The following FRYL variants were observed in gnomAD, a reference collection of about 807,000 sequenced individuals.
The protein encoded by FRYL is protein furry homolog-like.
FRYL carries 150 observed loss-of-function variants against 351.2 expected under a neutral mutation model. The ratio of observed to expected loss-of-function variants is 0.43; its 90% CI spans 0.37 to 0.49. FRYL has a LOEUF of 0.49. Ranked by LOEUF, FRYL falls within the 20% of genes least tolerant of loss-of-function variation. The pLI is 0.00. For missense variants in FRYL, 3,036 were observed against 3,619.3 expected (o/e 0.84, Z 4.13); for synonymous variants, 1,153 against 1,257.1 (o/e 0.92, Z 1.75).
At chr4:48,661,684 T>C (rs1760752088) in intron 3 of FRYL, among the ~76,000 whole-genome samples, 1 of 152,226 alleles carries the variant, frequency 6.6e-6, no homozygotes, top group African/African-American at 2.4e-5. Flanking sequence ...CACTCAGCGA[T>C]GTCACAAATG....
At chr4:48,772,815 A>G (rs1168557112) in intron 1 of FRYL, among the ~76,000 whole-genome samples, 1 of 152,188 alleles carries the variant, frequency 6.6e-6, no homozygotes, top group African/African-American at 2.4e-5. Context: ...GCACTGCAGT[A>G]AGTAAACAAA....
intron 1 of FRYL, among the ~76,000 whole-genome samples, chr4:48,711,359 TCA>T (rs1767991662): frequency 4.3e-5 from 5 of 115,252 alleles, no homozygotes; most frequent in Admixed American, 2.6e-4. Context: ...TCACTCCCAC[TCA>T]AATACTGCGC....
At chr4:48,644,114 G>A (rs1167977929) in intron 3 of FRYL, among the ~76,000 whole-genome samples, 1 of 152,032 alleles carries the variant, frequency 6.6e-6, no homozygotes, top group Admixed American at 6.6e-5. Context: ...GGCTAATTTT[G>A]TATTTTTAGT....
At chr4:48,546,954 C>T (rs1301826057) in intron 41 of FRYL, among the ~76,000 whole-genome samples, 2 of 148,914 alleles carry the variant, frequency 1.3e-5, no homozygotes, top group South Asian at 2.2e-4. Context: ...ATTGATGAAC[C>T]CTGTATCTGA....
chr4:48,581,519 C>G lies in FRYL; in HGVS notation c.2073G>C (p.Ala691=). 6.2e-7 allele frequency: 1 copy of G among 1,613,910 alleles called. No individual in the cohort carries two copies. Among genetic ancestry groups the G allele is most frequent in the Non-Finnish European group, 8.5e-7 (1 of 1,179,922 alleles). The change falls in exon 21 of 64, where the codon GCG becomes GCC. Residue 691 remains alanine (A), a synonymous_variant. Transcript: ENST00000358350. ...SNVFHVVEGF[A]LVILCSSRPA... ...GTCGACTGCTACAGAGAATGACAAG[C>G]GCAAAGCCTTCAACCACATGGAATA...
intron 3 of FRYL, among the ~76,000 whole-genome samples, chr4:48,675,720 A>G (rs903205540): frequency 8.5e-5 from 13 of 152,208 alleles, no homozygotes; most frequent in Non-Finnish European, 1.6e-4. Context: ...AGGGCTGAGG[A>G]GTGCGAGTGC....
At chr4:48,505,636 C>T (rs376757426) in intron 59 of FRYL, 21 bp from the exon 60 acceptor site, 258 of 1,516,516 alleles carry the variant, frequency 1.7e-4, no homozygotes, top group Middle Eastern at 3.4e-4. Flanking sequence ...GTAACAGTAA[C>T]GTTTAATATG....
At chr4:48,674,340 T>A (rs925446469) in intron 3 of FRYL, among the ~76,000 whole-genome samples, 10 of 152,126 alleles carry the variant, frequency 6.6e-5, no homozygotes, top group Non-Finnish European at 1.5e-4. Context: ...GATCACATAA[T>A]TAGGACTCTA....
At chr4:48,767,499 G>T (rs1302811905) in intron 1 of FRYL, among the ~76,000 whole-genome samples, 3 of 152,236 alleles carry the variant, frequency 2.0e-5, no homozygotes, top group East Asian at 3.9e-4. Flanking sequence ...AGAACATCCT[G>T]CCATTTACAA....
intron 3 of FRYL, among the ~76,000 whole-genome samples, chr4:48,671,858 C>CAAAAAA (rs1226492542): frequency 0.026 from 585 of 22,350 alleles, 85 homozygotes; most frequent in Non-Finnish European, 0.041. Context: ...GTCTCAAAAA[C>CAAAAAA]AAAAAAAAAA....
intron 29 of FRYL, among the ~76,000 whole-genome samples, chr4:48,565,246 G>A (rs1028899713): frequency 6.7e-6 from 1 of 149,838 alleles, no homozygotes; most frequent in Non-Finnish European, 1.5e-5. Flanking sequence ...GTACTGGAAG[G>A]GAAGATAAAA....
intron 1 of FRYL, among the ~76,000 whole-genome samples, chr4:48,735,977 A>T (rs1578874325): frequency 7.9e-5 from 2 of 25,228 alleles, no homozygotes; most frequent in African/African-American, 2.8e-4. Context: ...ATAATAAAAA[A>T]AAAAAAAAAA....
chr4:48,740,847 GT>G (rs1212158305), intron 1 of FRYL, among the ~76,000 whole-genome samples: 1 of 152,116 alleles, frequency 6.6e-6, no homozygotes, highest in Admixed American at 6.5e-5. Flanking sequence ...CAGCTTGGTG[GT>G]TTTTTACAAA....
In FRYL at chr4:48,582,658, C is replaced by A. The variant is rs1329839034; in HGVS notation, c.1825G>T (p.Asp609Tyr). 6.2e-7 allele frequency: 1 copy of A among 1,614,116 alleles called. No individual in the cohort carries two copies. The highest frequency in any genetic ancestry group is 1.7e-5 in the Admixed American group (1 of 60,026). ...TLQALMLDFP[D>Y]WREDVLSGFV... The stretch of plus-strand genomic sequence containing the variant: ...CCTGAAAGAACATCCTCCCGCCAAT[C>A]TGGAAAATCAAGCATTAGTGCCTGC... Residue 609 changes from aspartate (D) to tyrosine (Y), a missense_variant, in exon 20 of 64, where the codon GAT becomes TAT. Physicochemically the swap from Asp to Tyr is radical, Grantham distance 160. Transcript: ENST00000358350.
At chr4:48,701,444 T>C (rs1766706047) in intron 2 of FRYL, among the ~76,000 whole-genome samples, 1 of 151,898 alleles carries the variant, frequency 6.6e-6, no homozygotes, top group Non-Finnish European at 1.5e-5. Flanking sequence ...CTTAACCTCA[T>C]TTATAGGAAG....
intron 1 of FRYL, among the ~76,000 whole-genome samples, chr4:48,774,497 C>T (rs1315628427): frequency 1.3e-5 from 2 of 151,618 alleles, no homozygotes; most frequent in Non-Finnish European, 2.9e-5. Flanking sequence ...GTAGGGGGAT[C>T]TATTTTGTCA....
chr4:48,644,007 G>A (rs994631083), intron 3 of FRYL, among the ~76,000 whole-genome samples: 1 of 152,014 alleles, frequency 6.6e-6, no homozygotes, highest in African/African-American at 2.4e-5. Context: ...GCAATAGCAC[G>A]ATCTCGGCTC....
At chr4:48,551,646 T>C in intron 36 of FRYL, 68 bp from the exon 37 acceptor site, 4 of 947,718 alleles carry the variant, frequency 4.2e-6, no homozygotes, top group Non-Finnish European at 6.7e-6. Flanking sequence ...GAACAAAAGA[T>C]CTCAAATTAT....
In FRYL at chr4:48,548,804, TA is replaced by T; in HGVS notation, c.4785-12del. 6.7e-7 allele frequency: 1 copy of T among 1,497,930 alleles called. No individual in the cohort carries two copies. Among genetic ancestry groups the T allele is most frequent in the Non-Finnish European group, 9.2e-7 (1 of 1,089,016 alleles). The allele number at this position is 1,497,930 out of a possible 1,614,324, so 92.8% of individuals were successfully genotyped here. A position where few individuals can be genotyped will look rare whatever the true frequency, so the allele number is the denominator to read the frequency against. On this transcript the variant is annotated splice_polypyrimidine_tract_variant and intron_variant, in intron 39 of 63. Coordinates refer to ENST00000358350, the MANE Select transcript of FRYL (RefSeq NM_015030.2). ...ACTGCTATGTTACACCTATGACAAATAAGAGTTTCATTAACGTTTTACTAGA... is the reference window on the plus strand; with the variant it reads ...ACTGCTATGTTACACCTATGACAAATAGAGTTTCATTAACGTTTTACTAGA...
Sources: gnomAD v4.1 joint callset for allele counts (sites outside exome capture counted in the v4.1 genomes callset) on GRCh38, gnomAD v4.1.1 for gene constraint, MANE v1.5 for transcripts, NCBI Gene and HGNC (gene_info 2026-07-23, HGNC 2026-07-21) for gene names.